Variants in STRN observed in about 807,000 individuals in gnomAD.
The protein encoded by STRN is striatin.
STRN carries 53 observed loss-of-function variants against 96.3 expected under a neutral mutation model. The observed-to-expected ratio is 0.55, with a 90% CI of 0.44 to 0.69. The LOEUF is 0.69. Among genes scored for constraint, STRN ranks in the 30% least tolerant of loss-of-function variants. The probability of loss-of-function intolerance (pLI) is 0.00; values close to 1 mark genes in which losing one functional copy is unlikely to be tolerated. For synonymous variants in STRN, 428 were observed against 355.9 expected (o/e 1.20, Z -2.28); for missense variants, 987 against 963.9 (o/e 1.02, Z -0.32).
chr2:36,867,458 G>A (rs1395348257), intron 12 of STRN: 1 of 165,096 alleles, frequency 6.1e-6, no homozygotes, highest in Non-Finnish European at 1.3e-5. Flanking sequence ...GCTAATCTCT[G>A]TATCTTTCCA....
At chr2:36,939,226 C>A (rs982621534) in intron 1 of STRN, among the ~76,000 whole-genome samples, 1 of 152,076 alleles carries the variant, frequency 6.6e-6, no homozygotes, top group Non-Finnish European at 1.5e-5. Flanking sequence ...CCGCCGCGCC[C>A]AGCCTGTTTT....
intron 6 of STRN, among the ~76,000 whole-genome samples, chr2:36,897,179 G>T (rs975980000): frequency 3.3e-5 from 5 of 151,050 alleles, no homozygotes; most frequent in Admixed American, 3.3e-4. Flanking sequence ...AAAAAAAAAA[G>T]AAAAATAAAA....
intron 1 of STRN, among the ~76,000 whole-genome samples, chr2:36,931,433 T>C (rs923181313): frequency 1.3e-5 from 2 of 152,190 alleles, no homozygotes; most frequent in Non-Finnish European, 2.9e-5. Flanking sequence ...AAGACCAGCT[T>C]GTACACAAGC....
chr2:36,961,686 G>A (rs1250591231), intron 1 of STRN, among the ~76,000 whole-genome samples: 3 of 152,062 alleles, frequency 2.0e-5, no homozygotes, highest in East Asian at 3.9e-4. Flanking sequence ...ATCCTTACAA[G>A]GGGTCCCTTT....
intron 2 of STRN, among the ~76,000 whole-genome samples, chr2:36,917,052 T>TAAAAAAAAAAAAAA (rs1448769970): frequency 7.4e-6 from 1 of 135,510 alleles, no homozygotes; most frequent in African/African-American, 3.1e-5. Context: ...AATAAAAAAA[T>TAAAAAAAAAAAAAA]AAAAAATAAA....
chr2:36,860,724 T>C (rs1257943445), intron 13 of STRN, among the ~76,000 whole-genome samples: 1 of 152,190 alleles, frequency 6.6e-6, no homozygotes, highest in Non-Finnish European at 1.5e-5. Context: ...TATTAGCTTC[T>C]ACAGCCCTCC....
intron 15 of STRN, among the ~76,000 whole-genome samples, chr2:36,853,159 A>AG (rs1000022671): frequency 1.3e-5 from 2 of 151,716 alleles, no homozygotes; most frequent in Non-Finnish European, 2.9e-5. Flanking sequence ...TCTGTCTCAA[A>AG]AAAAAATAAA....
Position 36,869,713 on chromosome 2 carries a change from T to C in STRN, c.1340A>G (p.Asp447Gly). ...AGGGTTCCATGTCTTCCTCAATGCA[T>C]CTTTATTGTTTGCTATCTATTAAAG... ...SLTYDIANNK[D>G]ALRKTWNPKF... Residue 447 changes from aspartate (D) to glycine (G), a missense_variant, in exon 11 of 18, where the codon GAT becomes GGT. Asp to Gly is a moderately conservative substitution (Grantham distance 94, BLOSUM62 -1). Coordinates refer to ENST00000263918, the MANE Select transcript of STRN (RefSeq NM_003162.4). 6.2e-7 allele frequency: 1 copy of C among 1,602,648 alleles called. No homozygotes were observed. Among genetic ancestry groups the C allele is most frequent in the Non-Finnish European group, 8.5e-7 (1 of 1,175,658 alleles).
At chr2:36,917,044 T>TAAA (rs1249631668) in intron 2 of STRN, among the ~76,000 whole-genome samples, 1 of 78,804 alleles carries the variant, frequency 1.3e-5, no homozygotes, top group Non-Finnish European at 2.5e-5. Flanking sequence ...GAATGATCAA[T>TAAA]AAAAAAATAA....
chr2:36,869,880 C>A, intron 10 of STRN, 151 bp from the exon 11 acceptor site: 4 of 579,948 alleles, frequency 6.9e-6, no homozygotes, highest in Non-Finnish European at 1.1e-5. Context: ...AATAACCAAA[C>A]CACGAAGCAA....
intron 2 of STRN, among the ~76,000 whole-genome samples, chr2:36,917,052 T>TAAAAAAAAAAAA (rs1448769970): frequency 7.4e-6 from 1 of 135,500 alleles, no homozygotes; most frequent in Non-Finnish European, 1.5e-5. Context: ...AATAAAAAAA[T>TAAAAAAAAAAAA]AAAAAATAAA....
intron 12 of STRN, among the ~76,000 whole-genome samples, chr2:36,862,830 G>A (rs1341211907): frequency 6.6e-6 from 1 of 151,810 alleles, no homozygotes; most frequent in South Asian, 2.1e-4. Context: ...TGCCTCCCGG[G>A]TTCACGCCGT....
intron 9 of STRN, among the ~76,000 whole-genome samples, chr2:36,880,398 C>T (rs1416962549): frequency 6.6e-6 from 1 of 152,078 alleles, no homozygotes; most frequent in African/African-American, 2.4e-5. Flanking sequence ...TATGACTGTA[C>T]CACTGCACTC....
chr2:36,866,454 T>A (rs1348089123), intron 12 of STRN, among the ~76,000 whole-genome samples: 1 of 152,214 alleles, frequency 6.6e-6, no homozygotes, highest in East Asian at 1.9e-4. Context: ...TGTTTAATGG[T>A]CAGGAGTGTG....
At chr2:36,939,554 A>G (rs1670793058) in intron 1 of STRN, among the ~76,000 whole-genome samples, 1 of 151,846 alleles carries the variant, frequency 6.6e-6, no homozygotes, top group African/African-American at 2.4e-5. Context: ...TATTATTATT[A>G]TTATTTTTTG....
At chr2:36,851,223 G>A (rs1251611892) in intron 15 of STRN, 116 bp from the exon 16 acceptor site, 26 of 801,122 alleles carry the variant, frequency 3.2e-5, no homozygotes, top group Middle Eastern at 3.2e-4. Context: ...GGTGGCTCAC[G>A]CCTGTAATCC....
intron 15 of STRN, among the ~76,000 whole-genome samples, chr2:36,851,434 G>T (rs1489816382): frequency 6.6e-6 from 1 of 152,118 alleles, no homozygotes; most frequent in Admixed American, 6.5e-5. Flanking sequence ...AGTGAGCCGA[G>T]ATCGTGCCAC....
chr2:36,917,538 GAAAAAAAA>G lies in STRN; in HGVS notation c.339-1395_339-1388del, dbSNP rs576754026. On this transcript the variant is annotated intron_variant, in intron 2 of 17. Coordinates refer to ENST00000263918, the MANE Select transcript of STRN (RefSeq NM_003162.4). ...GACCCTGTCTCAAAAACAAAAAAAA[GAAAAAAAA>G]AAAAAAAGAAAAAAAGAAAAGTAGA... Among the ~76,000 whole-genome samples, 15 of 88,682 alleles carry G rather than the reference GAAAAAAAA, an allele frequency of 1.7e-4. 1 individual carries two copies. Among genetic ancestry groups the G allele is most frequent in the East Asian group, 9.8e-4 (3 of 3,070 alleles). 58.2% of individuals were successfully genotyped at this position (88,682 alleles called of 152,430 possible).
chr2:36,954,811 G>C (rs1664844900), intron 1 of STRN, among the ~76,000 whole-genome samples: 1 of 151,782 alleles, frequency 6.6e-6, no homozygotes, highest in Admixed American at 6.6e-5. Flanking sequence ...CTAATTTTTT[G>C]TATTTTTAGT....
Sources: allele counts gnomAD v4.1 joint callset (sites outside exome capture counted in the v4.1 genomes callset), GRCh38; gene constraint gnomAD v4.1.1; transcripts MANE v1.5; gene names NCBI Gene and HGNC (gene_info 2026-07-23, HGNC 2026-07-21).